The following ZNF260 variants were observed in gnomAD, a reference collection of about 807,000 sequenced individuals.
ZNF260 encodes zfp-260.
Under a neutral mutation model 29.3 loss-of-function variants are expected in ZNF260, and 21 were observed. The observed-to-expected ratio is 0.72, with a 90% CI of 0.51 to 1.03. The LOEUF is 1.03. Among genes scored for constraint, ZNF260 ranks in the 50% least tolerant of loss-of-function variants. The probability of loss-of-function intolerance (pLI) is 0.00; values close to 1 mark genes in which losing one functional copy is unlikely to be tolerated. For synonymous variants in ZNF260, 156 were observed against 156.8 expected (o/e 0.99, Z 0.04); for missense variants, 465 against 487.8 (o/e 0.95, Z 0.44).
In ZNF260 at chr19:36,526,116, T is replaced by C. The variant is rs534076756; in HGVS notation, c.-680-743A>G. Among the ~76,000 whole-genome samples, 8 of 152,342 alleles carry C rather than the reference T, an allele frequency of 5.3e-5. No homozygotes were observed. The East Asian group carries it at 1.5e-3, about 29-fold the overall frequency. On this transcript the variant is annotated intron_variant, in intron 1 of 2. Coordinates refer to ENST00000523638, the MANE Select transcript of ZNF260 (RefSeq NM_001166037.2). ...CTAAAAAATTTAGAGGACTAATATT[T>C]TACTTAGATTAACTAGGAGAAGTTA...
In ZNF260 at chr19:36,510,718, C is replaced by T. The variant is rs2034437375; in HGVS notation, c.*3282G>A. ...GTGATTACATGAATTTTTATTGTAC[C>T]ATTTCTTATGGTGGCAAATAAGCAA... On this transcript the variant is annotated 3_prime_UTR_variant, in exon 3 of 3. Transcript: ENST00000523638. The T allele has an allele frequency of 6.6e-6, 1 of 152,084 alleles. No homozygotes were observed. Among genetic ancestry groups the T allele is most frequent in the African/African-American group, 2.4e-5 (1 of 41,408 alleles). The allele number at this position is 152,084 out of a possible 1,614,324, so 9.4% of individuals were successfully genotyped here. A position where few individuals can be genotyped will look rare whatever the true frequency, so the allele number is the denominator to read the frequency against.
Position 36,514,703 on chromosome 19 carries a change from A to G in ZNF260, c.536T>C (p.Leu179Pro), listed in dbSNP as rs758480267. 1 of 1,613,856 alleles carries G rather than the reference A, an allele frequency of 6.2e-7. No individual in the cohort carries two copies. The highest frequency in any genetic ancestry group is 8.5e-7 in the Non-Finnish European group (1 of 1,180,000). ...AGTATGGATGTTCTGATGTTTAATG[A>G]GGTATTGCTTCTGGCTGAAGGCTCT... is the stretch of plus-strand genomic sequence containing the variant. ...CGRAFSQKQY[L>P]IKHQNIHTGK... is the part of the protein sequence containing the mutation. Residue 179 changes from leucine (L) to proline (P), a missense_variant, in exon 3 of 3, where the codon CTC (leucine) becomes CCC (proline). Coordinates refer to ENST00000523638, the MANE Select transcript of ZNF260 (RefSeq NM_001166037.2).
At chr19:36,526,541 A>T (rs1458494812) in intron 1 of ZNF260, among the ~76,000 whole-genome samples, 2 of 152,234 alleles carry the variant, frequency 1.3e-5, no homozygotes, top group Non-Finnish European at 2.9e-5. Flanking sequence ...CTCCATCTCA[A>T]AAAAATAAAA....
chr19:36,525,759 C>T (rs561904218), intron 1 of ZNF260, among the ~76,000 whole-genome samples: 9 of 151,352 alleles, frequency 5.9e-5, no homozygotes, highest in African/African-American at 2.2e-4. Context: ...TATACACCAG[C>T]CTAAGCGACA....
chr19:36,518,310 G>C (rs2034586883), intron 2 of ZNF260, among the ~76,000 whole-genome samples: 1 of 152,082 alleles, frequency 6.6e-6, no homozygotes, highest in Non-Finnish European at 1.5e-5. Context: ...AACATTTGAT[G>C]AAAGTCCTAA....
intron 1 of ZNF260, among the ~76,000 whole-genome samples, chr19:36,526,206 A>C (rs1035930512): frequency 2.7e-4 from 41 of 152,202 alleles, no homozygotes; most frequent in Admixed American, 2.4e-3. Context: ...TTCCAGGATC[A>C]CTGTGGATAC....
chr19:36,514,629 T>G lies in ZNF260; in HGVS notation c.610A>C (p.Lys204Gln). 1.2e-6 allele frequency: 2 copies of G among 1,614,096 alleles called. No homozygotes were observed. The highest frequency in any genetic ancestry group is 1.7e-6 in the Non-Finnish European group (2 of 1,179,992). ...CTCTGATGTATAATGAGGTTTTCCTTCTGGCTAAAAGCTTTTCCACACTCA... is the reference window on the plus strand; with the variant it reads ...CTCTGATGTATAATGAGGTTTTCCTGCTGGCTAAAAGCTTTTCCACACTCA... ...CSECGKAFSQ[K>Q]ENLIIHQRIH... Residue 204 changes from lysine to glutamine, a missense_variant, in exon 3 of 3, where the codon AAG becomes CAG. Coordinates refer to ENST00000523638, the MANE Select transcript of ZNF260 (RefSeq NM_001166037.2).
chr19:36,515,932 C>T lies in ZNF260; in HGVS notation c.-461-233G>A, dbSNP rs146152203. 2.9e-3 allele frequency among the ~76,000 whole-genome samples: 441 copies of T among 151,510 alleles called. 2 individuals carry two copies. The highest frequency in any genetic ancestry group is 7.3e-3 in the South Asian group (35 of 4,798). On this transcript the variant is annotated intron_variant, in intron 2 of 2. Coordinates refer to ENST00000523638, the MANE Select transcript of ZNF260 (RefSeq NM_001166037.2). ...TGTTGCCCAGGCTGGAGGGCAATGG[C>T]GCGATTTTGGCTCACCGCAACCTCT...
At chr19:36,518,022 G>C (rs2034580804) in intron 2 of ZNF260, 2 of 151,930 alleles carry the variant, frequency 1.3e-5, no homozygotes, top group African/African-American at 2.4e-5. Flanking sequence ...TTAGAGACGG[G>C]GCTTCACCAT....
At position 36,515,223 on chromosome 19, in the gene ZNF260, C is replaced by G. The variant is rs1290496180; in HGVS notation, c.16G>C (p.Glu6Gln). 2 of 1,572,708 alleles carry G rather than the reference C, an allele frequency of 1.3e-6. No individual in the cohort carries two copies. Among genetic ancestry groups the G allele is most frequent in the African/African-American group, 2.7e-5 (2 of 73,426 alleles). The change falls in exon 3 of 3, where the codon GAA (glutamate) becomes CAA (glutamine). Residue 6 changes from glutamate (E) to glutamine (Q), a missense_variant. By Grantham distance (29) the Glu-to-Gln change is conservative (BLOSUM62 2). Coordinates refer to ENST00000523638, the MANE Select transcript of ZNF260 (RefSeq NM_001166037.2). ...AGATCTGATTCATGCTGAAGACTTT[C>G]CAACATGCCTATCATGCATGTGAAT... MIGMLESLQHESDLLQ... is the reference protein window; with the variant it reads MIGMLQSLQHESDLLQ...
chr19:36,513,452 C>T lies in ZNF260; in HGVS notation c.*548G>A, dbSNP rs2034485118. The T allele has an allele frequency of 3.3e-6, 1 of 306,360 alleles. No homozygotes were observed. Among genetic ancestry groups the T allele is most frequent in the South Asian group, 1.6e-4 (1 of 6,260 alleles). The allele number at this position is 306,360 out of a possible 1,614,324, so 19.0% of individuals were successfully genotyped here. A position where few individuals can be genotyped will look rare whatever the true frequency, so the allele number is the denominator to read the frequency against. Reference sequence around the variant, plus strand: ...GATATTATTTTTCCATATGAAGAGTCAATTAATTTTTAAGTAATCCATGAT... The same window carrying T: ...GATATTATTTTTCCATATGAAGAGTTAATTAATTTTTAAGTAATCCATGAT... On this transcript the variant is annotated 3_prime_UTR_variant, in exon 3 of 3. Transcript: ENST00000523638.
chr19:36,514,972 T>A lies in ZNF260; in HGVS notation c.267A>T (p.Gly89=), dbSNP rs761525427. 14 of 1,613,974 alleles carry A rather than the reference T, an allele frequency of 8.7e-6. No individual in the cohort carries two copies. Among genetic ancestry groups the A allele is most frequent in the Non-Finnish European group, 1.1e-5 (13 of 1,180,008 alleles). ...GKKAYKCNKC[G]KAFSQKENFL... The stretch of plus-strand genomic sequence containing the variant: ...AGTTTTCCTTCTGGCTGAAGGCTTT[T>A]CCACATTTATTACATTTATATGCCT... The change falls in exon 3 of 3, where the codon GGA becomes GGT. Residue 89 remains glycine (G), a synonymous_variant. Coordinates refer to ENST00000523638, the MANE Select transcript of ZNF260 (RefSeq NM_001166037.2).
In ZNF260 at chr19:36,514,828, T is replaced by C; in HGVS notation, c.411A>G (p.Ala137=). 1 of 1,614,090 alleles carries C rather than the reference T, an allele frequency of 6.2e-7. No homozygotes were observed. The highest frequency in any genetic ancestry group is 8.5e-7 in the Non-Finnish European group (1 of 1,180,008). Residue 137 remains alanine (A), a synonymous_variant, in exon 3 of 3, where the codon GCA becomes GCG. Coordinates refer to ENST00000523638, the MANE Select transcript of ZNF260 (RefSeq NM_001166037.2). ...QKNHTGTKPY[A]CKECGKAFNG... ...TAAAGGCTTTGCCACATTCCTTACATGCATAGGGTTTGGTTCCTGTATGAT... is the reference window on the plus strand; with the variant it reads ...TAAAGGCTTTGCCACATTCCTTACACGCATAGGGTTTGGTTCCTGTATGAT...
At chr19:36,525,901 T>C (rs1170334379) in intron 1 of ZNF260, among the ~76,000 whole-genome samples, 1 of 152,184 alleles carries the variant, frequency 6.6e-6, no homozygotes, top group African/African-American at 2.4e-5. Context: ...ATGCCAGAGT[T>C]ATCCACAATC....
Position 36,512,047 on chromosome 19 carries a change from A to T in ZNF260, c.*1953T>A, listed in dbSNP as rs1047666820. ...ACTAATTCTCTCCATGTCTGTGCATATATTATTTAATAATATGATCCTTAA... is the reference window on the plus strand; with the variant it reads ...ACTAATTCTCTCCATGTCTGTGCATTTATTATTTAATAATATGATCCTTAA... On this transcript the variant is annotated 3_prime_UTR_variant, in exon 3 of 3. Transcript: ENST00000523638. The T allele has an allele frequency of 3.3e-5, 5 of 152,172 alleles. No individual in the cohort carries two copies. The highest frequency in any genetic ancestry group is 2.6e-4 in the Admixed American group (4 of 15,264). 9.4% of individuals were successfully genotyped at this position (152,172 alleles called of 1,614,324 possible).
chr19:36,522,064 AT>A (rs111616287), intron 2 of ZNF260, among the ~76,000 whole-genome samples: 18 of 152,108 alleles, frequency 1.2e-4, no homozygotes, highest in Non-Finnish European at 2.1e-4. Flanking sequence ...AATAAAAAAA[AT>A]AAAATAAAAT....
intron 1 of ZNF260, among the ~76,000 whole-genome samples, chr19:36,527,906 A>G (rs2034762536): frequency 6.6e-6 from 1 of 152,078 alleles, no homozygotes; most frequent in South Asian, 2.1e-4. Flanking sequence ...TATTTTAGAA[A>G]TGAGAAAAGT....
intron 2 of ZNF260, among the ~76,000 whole-genome samples, chr19:36,519,747 C>G (rs868767070): frequency 6.6e-6 from 1 of 152,052 alleles, no homozygotes; most frequent in Non-Finnish European, 1.5e-5. Context: ...AAAAACAAAA[C>G]CTTTCACTTG....
Position 36,513,543 on chromosome 19 carries a change from T to A in ZNF260, c.*457A>T, listed in dbSNP as rs915024407. On this transcript the variant is annotated 3_prime_UTR_variant, in exon 3 of 3. Coordinates refer to ENST00000523638, the MANE Select transcript of ZNF260 (RefSeq NM_001166037.2). ...TTCCCCATATATTCATGCACACATT[T>A]CTGAATTCAATATTCTGTCTCAGTC... The A allele has an allele frequency of 2.5e-6, 1 of 396,680 alleles. No homozygotes were observed. The highest frequency in any genetic ancestry group is 4.1e-5 in the Admixed American group (1 of 24,182). The allele number at this position is 396,680 out of a possible 1,614,324, so 24.6% of individuals were successfully genotyped here.
Sources: allele counts gnomAD v4.1 joint callset (sites outside exome capture counted in the v4.1 genomes callset), GRCh38; gene constraint gnomAD v4.1.1; transcripts MANE v1.5; gene names NCBI Gene and HGNC (gene_info 2026-07-23, HGNC 2026-07-21).